Variants in KRT6B observed in about 807,000 individuals in gnomAD.
The protein encoded by KRT6B is keratin, type II cytoskeletal 6B.
KRT6B carries 29 observed loss-of-function variants against 44.7 expected under a neutral mutation model. That is an observed-to-expected ratio of 0.65 (90% CI 0.48 to 0.88). The LOEUF (loss-of-function observed/expected upper bound fraction) is 0.88. Among genes scored for constraint, KRT6B ranks in the 40% least tolerant of loss-of-function variants. The pLI is 0.00. For synonymous variants in KRT6B, 213 were observed against 296.0 expected, an observed-to-expected ratio of 0.72 and a Z score of 2.88; for missense variants, 600 against 724.0, an observed-to-expected ratio of 0.83 and a Z score of 1.97.
Position 52,452,117 on chromosome 12 carries a change from G to T in KRT6B, c.-39C>A. ...GAGAGGGCTTAGGAGAGTGTGAGAG[G>T]CTGGAGGCGAGAGGGAGGAGAAGCA... On this transcript the variant is annotated 5_prime_UTR_variant, in exon 1 of 9. Coordinates refer to ENST00000252252, the MANE Select transcript of KRT6B (RefSeq NM_005555.4). The T allele has an allele frequency of 2.5e-6, 4 of 1,613,978 alleles. No homozygotes were observed. Among genetic ancestry groups the T allele is most frequent in the Non-Finnish European group, 3.4e-6 (4 of 1,179,966 alleles).
rs577170157 is a variant in KRT6B at position 52,448,049 on chromosome 12, G to A, written c.1204-51C>T. ...ACTTGTCATCTGGTCTTCCAGAGAA[G>A]AATAAACCTGGCTGGTTCTTTTCCA... On this transcript the variant is annotated intron_variant, in intron 6 of 8. Transcript: ENST00000252252. The A allele has an allele frequency of 3.8e-5, 62 of 1,611,796 alleles. No homozygotes were observed. In the East Asian group the frequency reaches 1.2e-3, roughly 30 times the overall value.
intron 1 of KRT6B, 140 bp from the exon 2 acceptor site, chr12:52,450,760 G>C (rs1474593222): frequency 7.4e-7 from 1 of 1,358,806 alleles, no homozygotes; most frequent in Non-Finnish European, 1.0e-6. Context: ...GCTGAGCTCT[G>C]CTCCCCCAAC....
In KRT6B at chr12:52,447,415, C is replaced by A. The variant is rs749680153; in HGVS notation, c.1470G>T (p.Gln490His). ...CGCCATAGCCACTGGAGACGGTGGA[C>A]TGCACTACAGCTGTGGTGGGGAGGG... ...GVGQVNISVV[Q>H]STVSSGYGGA... The change falls in exon 9 of 9, where the codon CAG becomes CAT. Residue 490 changes from glutamine (Q) to histidine (H), a missense_variant. This residue lies in a region of KRT6B where 479 missense variants were observed against 454.2 expected (regional missense o/e 1.05). Coordinates refer to ENST00000252252, the MANE Select transcript of KRT6B (RefSeq NM_005555.4). 6.8e-6 allele frequency: 11 copies of A among 1,613,980 alleles called. No homozygotes were observed. Among genetic ancestry groups the A allele is most frequent in the Non-Finnish European group, 8.5e-6 (10 of 1,179,968 alleles).
rs369418982 is a variant in KRT6B at position 52,447,563 on chromosome 12, C to T, written c.1435G>A (p.Glu479Lys). 161 of 1,613,978 alleles carry T rather than the reference C, an allele frequency of 1.0e-4. No individual in the cohort carries two copies. Among genetic ancestry groups the T allele is most frequent in the South Asian group, 9.6e-4 (87 of 91,082 alleles). Residue 479 changes from glutamate to lysine, a missense_variant, in exon 8 of 9, where the codon GAA (glutamate) becomes AAA (lysine). Physicochemically the swap from Glu to Lys is moderately conservative, Grantham distance 56. Transcript: ENST00000252252. ...LEGEECRLNG[E>K]GVGQVNISVV... ...CAGATGTTGACTTGTCCAACGCCTT[C>T]GCCATTCAGCCTGTGGAGAGGAACA...
At chr12:52,447,712 T>G in intron 7 of KRT6B, 66 bp downstream of exon 7, 1 of 1,614,050 alleles carries the variant, frequency 6.2e-7, no homozygotes, top group Non-Finnish European at 8.5e-7. Context: ...CACCTTAAAG[T>G]TGTGCTCAGT....
chr12:52,450,104 G>A (rs664109), intron 2 of KRT6B, 32 bp from the exon 3 acceptor site: 119 of 1,555,366 alleles, frequency 7.7e-5, no homozygotes, highest in Non-Finnish European at 3.4e-5. Context: ...ACACATTTGA[G>A]CCAGTGGGTA....
Position 52,451,991 on chromosome 12 carries a change from G to A in KRT6B, c.88C>T (p.Arg30Cys), listed in dbSNP as rs368410373. 44 of 1,613,572 alleles carry A rather than the reference G, an allele frequency of 2.7e-5. No homozygotes were observed. The highest frequency in any genetic ancestry group is 3.4e-4 in the Middle Eastern group (2 of 5,828). ...ANSARLPGVS[R>C]SGFSSISVSR... ...ACGGAGATGCTGCTGAAGCCAGAGC[G>A]GCTGACCCCAGGGAGCCTGGCTGAG... Residue 30 changes from arginine (R) to cysteine (C), a missense_variant, in exon 1 of 9, where the codon CGC becomes TGC. Physicochemically the swap from Arg to Cys is radical, Grantham distance 180. Transcript: ENST00000252252.
chr12:52,448,652 T>C (rs1194005676), intron 6 of KRT6B, among the ~76,000 whole-genome samples, 190 bp downstream of exon 6: 1 of 152,182 alleles, frequency 6.6e-6, no homozygotes, highest in Non-Finnish European at 1.5e-5. Context: ...GCCCAGGTGA[T>C]TGTTTCATAT....
intron 2 of KRT6B, 140 bp downstream of exon 2, chr12:52,450,266 G>A: frequency 7.0e-7 from 1 of 1,433,240 alleles, no homozygotes; most frequent in African/African-American, 1.4e-5. Context: ...ATAACCATCT[G>A]TGGTTCTTGC....
Position 52,447,650 on chromosome 12 carries a change from G to T in KRT6B, c.1425-77C>A. On this transcript the variant is annotated intron_variant, in intron 7 of 8. Coordinates refer to ENST00000252252, the MANE Select transcript of KRT6B (RefSeq NM_005555.4). ...AGCCTCAGTGGGTGGGAAAGTCCAT[G>T]GGAAAACTTTTAGTTTTCTCCCAAG... 1.9e-6 allele frequency: 3 copies of T among 1,613,884 alleles called. No homozygotes were observed. The South Asian group carries it at 3.3e-5, about 18-fold the overall frequency.
At position 52,447,336 on chromosome 12, in the gene KRT6B, A is replaced by G. The variant is rs200055232; in HGVS notation, c.1549T>C (p.Tyr517His). The G allele has an allele frequency of 6.7e-5, 108 of 1,614,036 alleles. 2 individuals carry two copies. The highest frequency in any genetic ancestry group is 6.5e-4 in the East Asian group (29 of 44,886). Reference sequence around the variant, plus strand: ...CCTCCAACGCCAAGACCACTGCCATAGGAGTAGCTGCTTCCTCCACCCAGG... The same window carrying G: ...CCTCCAACGCCAAGACCACTGCCATGGGAGTAGCTGCTTCCTCCACCCAGG... ...LGLGGGSSYS[Y>H]GSGLGVGGGF... The change falls in exon 9 of 9, where the codon TAT becomes CAT. Residue 517 changes from tyrosine (Y) to histidine (H), a missense_variant. This residue lies in a region of KRT6B where 479 missense variants were observed against 454.2 expected (regional missense o/e 1.05). Transcript: ENST00000252252.
In KRT6B at chr12:52,447,329, C is replaced by T. The variant is rs1325369049; in HGVS notation, c.1556G>A (p.Ser519Asn). The T allele has an allele frequency of 6.2e-7, 1 of 1,614,072 alleles. No individual in the cohort carries two copies. The highest frequency in any genetic ancestry group is 8.5e-7 in the Non-Finnish European group (1 of 1,179,902). ...LGGGSSYSYG[S>N]GLGVGGGFSS... ...AAAGCCGCCTCCAACGCCAAGACCA[C>T]TGCCATAGGAGTAGCTGCTTCCTCC... The change falls in exon 9 of 9, where the codon AGT becomes AAT. Residue 519 changes from serine to asparagine, a missense_variant. Physicochemically the swap from Ser to Asn is conservative, Grantham distance 46. Transcript: ENST00000252252.
intron 5 of KRT6B, among the ~76,000 whole-genome samples, chr12:52,449,222 C>G (rs903325811): frequency 6.6e-6 from 1 of 152,180 alleles, no homozygotes; most frequent in Admixed American, 6.5e-5. Flanking sequence ...AAGTCAGCAA[C>G]CAAGGTGAAG....
chr12:52,448,888 C>G lies in KRT6B; in HGVS notation c.1157G>C (p.Arg386Pro), dbSNP rs368362440. 2 of 1,614,012 alleles carry G rather than the reference C, an allele frequency of 1.2e-6. No individual in the cohort carries two copies. The highest frequency in any genetic ancestry group is 1.7e-5 in the Admixed American group (1 of 59,990). Residue 386 changes from arginine to proline, a missense_variant, in exon 6 of 9, where the codon CGC becomes CCC. Transcript: ENST00000252252. Reference sequence around the variant, plus strand: ...CTCAGATCTCAGCCTCTGGATCATGCGGTTGATCTCAGCAATCTCCTGCTT... The same window carrying G: ...CTCAGATCTCAGCCTCTGGATCATGGGGTTGATCTCAGCAATCTCCTGCTT... ...NTKQEIAEIN[R>P]MIQRLRSEID...
Position 52,447,344 on chromosome 12 carries a change from C to T in KRT6B, c.1541G>A (p.Ser514Asn). ...GSGLGLGGGS[S>N]YSYGSGLGVG... ...GCCAAGACCACTGCCATAGGAGTAG[C>T]TGCTTCCTCCACCCAGGCCTAAGCC... is the stretch of plus-strand genomic sequence containing the variant. Residue 514 changes from serine to asparagine, a missense_variant, in exon 9 of 9, where the codon AGC becomes AAC. Ser to Asn is a conservative substitution (Grantham distance 46). This residue lies in a region of KRT6B where 479 missense variants were observed against 454.2 expected (regional missense o/e 1.05). Transcript: ENST00000252252. 21 of 1,614,054 alleles carry T rather than the reference C, an allele frequency of 1.3e-5. No homozygotes were observed. Among genetic ancestry groups the T allele is most frequent in the Non-Finnish European group, 1.8e-5 (21 of 1,179,892 alleles).
chr12:52,449,280 G>A (rs1322628294), intron 5 of KRT6B, among the ~76,000 whole-genome samples, 189 bp downstream of exon 5: 6 of 152,224 alleles, frequency 3.9e-5, no homozygotes, highest in African/African-American at 1.2e-4. Flanking sequence ...CTTGCCTCCT[G>A]CATTGGGTTG....
At position 52,446,761 on chromosome 12, in the gene KRT6B, G is replaced by A. The variant is rs561715124; in HGVS notation, c.*429C>T. 1.9e-4 allele frequency: 44 copies of A among 235,442 alleles called. No homozygotes were observed. Among genetic ancestry groups the A allele is most frequent in the Middle Eastern group, 3.1e-3 (2 of 652 alleles). 14.6% of individuals were successfully genotyped at this position (235,442 alleles called of 1,614,324 possible). On this transcript the variant is annotated 3_prime_UTR_variant, in exon 9 of 9. Coordinates refer to ENST00000252252, the MANE Select transcript of KRT6B (RefSeq NM_005555.4). ...GAAGGTACATCACTTGCCATTCAGG[G>A]ACACTGCAAGAGAAGATCAGGACAA...
chr12:52,446,991 C>T lies in KRT6B; in HGVS notation c.*199G>A. On this transcript the variant is annotated 3_prime_UTR_variant, in exon 9 of 9. Coordinates refer to ENST00000252252, the MANE Select transcript of KRT6B (RefSeq NM_005555.4). ...AAAAGGACATTCGCATGTCTGAGTG[C>T]TGATAACTGTTGACTTGATGGTAAG... 1 of 639,566 alleles carries T rather than the reference C, an allele frequency of 1.6e-6. No individual in the cohort carries two copies. Among genetic ancestry groups the T allele is most frequent in the South Asian group, 2.0e-5 (1 of 49,614 alleles). The allele number at this position is 639,566 out of a possible 1,614,324, so 39.6% of individuals were successfully genotyped here.
At position 52,450,470 on chromosome 12, in the gene KRT6B, C is replaced by G. The variant is rs746866169; in HGVS notation, c.691G>C (p.Glu231Gln). The change falls in exon 2 of 9, where the codon GAA (glutamate) becomes CAA (glutamine). Residue 231 changes from glutamate to glutamine, a missense_variant. Physicochemically the swap from Glu to Gln is conservative, Grantham distance 29. Coordinates refer to ENST00000252252, the MANE Select transcript of KRT6B (RefSeq NM_005555.4). ...LRRQLDNIVG[E>Q]RGRLDSELRN... is the part of the protein sequence containing the mutation. ...AGCTCCGAGTCCAGACGACCCCGTT[C>G]CCCCACGATGTTGTCCAGCTGCCTC... The G allele has an allele frequency of 2.5e-6, 4 of 1,614,220 alleles. No individual in the cohort carries two copies. Among genetic ancestry groups the G allele is most frequent in the Non-Finnish European group, 3.4e-6 (4 of 1,180,054 alleles).
Sources: gnomAD v4.1 joint callset for allele counts (sites outside exome capture counted in the v4.1 genomes callset) on GRCh38, gnomAD v4.1.1 for gene constraint, gnomAD v4.1.1 regional missense constraint, MANE v1.5 for transcripts, NCBI Gene and HGNC (gene_info 2026-07-23, HGNC 2026-07-21) for gene names.